The following SCFD1 variants were observed in gnomAD, a reference collection of about 807,000 sequenced individuals.
SCFD1 encodes the protein sec1 family domain-containing protein 1.
In SCFD1, 37 loss-of-function variants were observed where a neutral mutation model predicts 103.2. That is an observed-to-expected ratio of 0.36 (90% CI 0.28 to 0.47). SCFD1 has a LOEUF of 0.47. Among genes scored for constraint, SCFD1 ranks in the 20% least tolerant of loss-of-function variants. SCFD1 has a pLI of 1.00. For synonymous variants in SCFD1, 264 were observed against 245.0 expected, an observed-to-expected ratio of 1.08 and a Z score of -0.73; for missense variants, 639 against 761.2, an observed-to-expected ratio of 0.84 and a Z score of 1.89.
chr14:30,637,545 A>G (rs1236715283), intron 4 of SCFD1, among the ~76,000 whole-genome samples: 1 of 152,126 alleles, frequency 6.6e-6, no homozygotes, highest in Non-Finnish European at 1.5e-5. Context: ...ACATAAAATG[A>G]TGGTTCTTGT....
chr14:30,670,370 A>G lies in SCFD1; in HGVS notation c.970A>G (p.Lys324Glu). 6.4e-7 allele frequency: 1 copy of G among 1,567,758 alleles called. No homozygotes were observed. Among genetic ancestry groups the G allele is most frequent in the Non-Finnish European group, 8.6e-7 (1 of 1,162,986 alleles). ...GTCTTATGATTTAACTCCGGTTGAT[A>G]AATTTTGGCAAAAACATAAAGGAAG... The part of the protein sequence containing the change: ...KKSYDLTPVD[K>E]FWQKHKGSPF... Residue 324 changes from lysine (K) to glutamate (E), a missense_variant, in exon 11 of 25, where the codon AAA becomes GAA. Physicochemically the swap from Lys to Glu is moderately conservative, Grantham distance 56. Coordinates refer to ENST00000458591, the MANE Select transcript of SCFD1 (RefSeq NM_016106.4).
chr14:30,727,888 T>A (rs1168838102), intron 23 of SCFD1, among the ~76,000 whole-genome samples: 1 of 151,956 alleles, frequency 6.6e-6, no homozygotes, highest in African/African-American at 2.4e-5. Context: ...TGTCCACATG[T>A]GAGGAAAGAT....
chr14:30,665,084 A>G (rs989116902), intron 10 of SCFD1, among the ~76,000 whole-genome samples: 24 of 152,312 alleles, frequency 1.6e-4, no homozygotes, highest in African/African-American at 5.3e-4. Context: ...CCCAAGACAC[A>G]TAATTGTCAG....
intron 19 of SCFD1, among the ~76,000 whole-genome samples, chr14:30,713,676 A>G (rs895816464): frequency 2.6e-5 from 4 of 152,176 alleles, no homozygotes; most frequent in South Asian, 4.1e-4. Flanking sequence ...ATGGTTTATC[A>G]TTATATATAA....
rs150891719 is a variant in SCFD1 at position 30,715,940 on chromosome 14, G to A, written c.1646G>A (p.Arg549His). ...VLKQQNLPVT[R>H]ILDNLMEMKS... ...TTTCCACAGAATCTACCTGTTACTCGTATTTTGGACAATCTTATGGAGATG... is the reference window on the plus strand; with the variant it reads ...TTTCCACAGAATCTACCTGTTACTCATATTTTGGACAATCTTATGGAGATG... Residue 549 changes from arginine to histidine, a missense_variant, in exon 20 of 25, where the codon CGT (arginine) becomes CAT (histidine). Coordinates refer to ENST00000458591, the MANE Select transcript of SCFD1 (RefSeq NM_016106.4). The A allele has an allele frequency of 6.4e-6, 10 of 1,556,416 alleles. No individual in the cohort carries two copies. The highest frequency in any genetic ancestry group is 2.3e-5 in the East Asian group (1 of 43,586).
In SCFD1 at chr14:30,643,415, C is replaced by T; in HGVS notation, c.613+10C>T. The T allele has an allele frequency of 6.4e-7, 1 of 1,553,034 alleles. No homozygotes were observed. The highest frequency in any genetic ancestry group is 8.9e-7 in the Non-Finnish European group (1 of 1,124,624). On this transcript the variant is annotated intron_variant, in intron 7 of 24. Coordinates refer to ENST00000458591, the MANE Select transcript of SCFD1 (RefSeq NM_016106.4). ...TTTTTTGTTACTCTGGGTAAGTTTTCCAGTCTTTCTGGTTATTCTTCAAAG... is the reference window on the plus strand; with the variant it reads ...TTTTTTGTTACTCTGGGTAAGTTTTTCAGTCTTTCTGGTTATTCTTCAAAG...
intron 11 of SCFD1, 78 bp from the exon 12 acceptor site, chr14:30,673,179 A>G: frequency 1.7e-6 from 1 of 584,294 alleles, no homozygotes; most frequent in South Asian, 2.9e-5. Flanking sequence ...ATAAATGTTC[A>G]TTGTATATAT....
intron 11 of SCFD1, 86 bp downstream of exon 11, chr14:30,670,481 A>G: frequency 1.1e-6 from 1 of 937,666 alleles, no homozygotes; most frequent in Non-Finnish European, 1.5e-6. Flanking sequence ...GAGAAAAAAA[A>G]GGGTCATGTA....
intron 23 of SCFD1, among the ~76,000 whole-genome samples, chr14:30,726,457 A>G (rs563314804): frequency 2.6e-5 from 4 of 152,310 alleles, no homozygotes; most frequent in Non-Finnish European, 5.9e-5. Context: ...CAATGATACC[A>G]TTTGCACCAA....
chr14:30,708,050 G>T lies in SCFD1; in HGVS notation c.1614G>T (p.Leu538=). ...SQFVMEGVKN[L]VLKQQNLPVT... ...TTGTGATGGAAGGAGTGAAGAACCTGGTTTTGAAACAGCAAGTAAGTACAC... is the reference window on the plus strand; with the variant it reads ...TTGTGATGGAAGGAGTGAAGAACCTTGTTTTGAAACAGCAAGTAAGTACAC... The change falls in exon 19 of 25, where the codon CTG becomes CTT. Residue 538 remains leucine (L), a synonymous_variant. Transcript: ENST00000458591. The T allele has an allele frequency of 6.2e-7, 1 of 1,610,998 alleles. No homozygotes were observed. Among genetic ancestry groups the T allele is most frequent in the Middle Eastern group, 1.7e-4 (1 of 6,052 alleles).
At chr14:30,706,800 T>C (rs1321118583) in intron 18 of SCFD1, among the ~76,000 whole-genome samples, 1 of 152,218 alleles carries the variant, frequency 6.6e-6, no homozygotes, top group Non-Finnish European at 1.5e-5. Context: ...AGGTTTATCC[T>C]AGCCCCACAC....
At chr14:30,652,447 A>G (rs1886487778) in intron 9 of SCFD1, 1 of 152,112 alleles carries the variant, frequency 6.6e-6, no homozygotes, top group South Asian at 2.1e-4. Context: ...TTCATTTTGT[A>G]TATTATAGTG....
At chr14:30,650,420 C>T (rs559294579) in intron 8 of SCFD1, 145 bp from the exon 9 acceptor site, 84 of 623,026 alleles carry the variant, frequency 1.3e-4, no homozygotes, top group African/African-American at 2.4e-4. Context: ...AGTGGTAAGA[C>T]GGAGCTAAAA....
At chr14:30,708,161 TAATA>T (rs1891603417) in intron 19 of SCFD1, 96 bp downstream of exon 19, 2 of 771,864 alleles carry the variant, frequency 2.6e-6, no homozygotes, top group Admixed American at 2.1e-5. Flanking sequence ...TTTATTCAAG[TAATA>T]AATAGGAATC....
In SCFD1 at chr14:30,735,663, G is replaced by A. The variant is rs1258327889; in HGVS notation, c.*54G>A. The A allele has an allele frequency of 7.4e-7, 1 of 1,360,366 alleles. No homozygotes were observed. Among genetic ancestry groups the A allele is most frequent in the African/African-American group, 1.5e-5 (1 of 68,230 alleles). 84.3% of individuals were successfully genotyped at this position (1,360,366 alleles called of 1,614,324 possible). A position where few individuals can be genotyped will look rare whatever the true frequency, so the allele number is the denominator to read the frequency against. On this transcript the variant is annotated 3_prime_UTR_variant, in exon 25 of 25. Coordinates refer to ENST00000458591, the MANE Select transcript of SCFD1 (RefSeq NM_016106.4). ...CTTGGAATGTGGATAAATGTAAAAA[G>A]AAGAAAAGTTAGAAGAGCAATATGT...
At chr14:30,645,089 G>A (rs1344890059) in intron 7 of SCFD1, among the ~76,000 whole-genome samples, 1 of 152,094 alleles carries the variant, frequency 6.6e-6, no homozygotes, top group East Asian at 1.9e-4. Flanking sequence ...TGAATAGGGA[G>A]TTCTTTCCCT....
At chr14:30,630,945 G>T (rs1884048511) in intron 3 of SCFD1, 1 of 180,822 alleles carries the variant, frequency 5.5e-6, no homozygotes, top group Non-Finnish European at 1.1e-5. Context: ...TCAAAAAAAT[G>T]CATTTAATAC....
chr14:30,721,746 C>G (rs1360253311), intron 21 of SCFD1, 138 bp from the exon 22 acceptor site: 11 of 696,754 alleles, frequency 1.6e-5, no homozygotes, highest in Non-Finnish European at 2.5e-5. Flanking sequence ...AATTAAAGGA[C>G]CCACCCCTCT....
chr14:30,713,783 C>G (rs7153509), intron 19 of SCFD1, among the ~76,000 whole-genome samples: 74,971 of 151,970 alleles, frequency 0.49, 21,459 homozygotes, highest in African/African-American at 0.79. Context: ...ATATAAAGCT[C>G]TCAATTTTCG....
Sources: gnomAD v4.1 joint callset for allele counts (sites outside exome capture counted in the v4.1 genomes callset) on GRCh38, gnomAD v4.1.1 for gene constraint, MANE v1.5 for transcripts, NCBI Gene and HGNC (gene_info 2026-07-23, HGNC 2026-07-21) for gene names.